Variants in FIGNL2 observed in about 807,000 individuals in gnomAD.
FIGNL2 encodes the protein fidgetin-like protein 2.
For synonymous variants in FIGNL2, 565 were observed against 484.0 expected (o/e 1.17, Z -2.20); for missense variants, 1,060 against 950.2 (o/e 1.12, Z -1.52).
intron 1 of FIGNL2, chr12:51,847,174 G>A: frequency 5.1e-6 from 5 of 985,400 alleles, no homozygotes; most frequent in Non-Finnish European, 6.0e-6. Context: ...TGAGAGGCTC[G>A]GGGAGGCTTT....
chr12:51,833,221 T>C (rs1418843565), intron 1 of FIGNL2, among the ~76,000 whole-genome samples: 2 of 152,004 alleles, frequency 1.3e-5, no homozygotes, highest in Non-Finnish European at 2.9e-5. Flanking sequence ...CAGCTAATTT[T>C]TAAAATTTTT....
intron 1 of FIGNL2, among the ~76,000 whole-genome samples, chr12:51,826,464 C>G (rs575850739): frequency 2.3e-5 from 3 of 132,254 alleles, no homozygotes; most frequent in African/African-American, 7.9e-5. Flanking sequence ...CCCCTCTGTA[C>G]TAAAAATACA....
chr12:51,836,612 G>A (rs764629504), intron 1 of FIGNL2, among the ~76,000 whole-genome samples: 4 of 152,044 alleles, frequency 2.6e-5, no homozygotes, highest in Non-Finnish European at 4.4e-5. Flanking sequence ...TGTTGGTGCC[G>A]GATTATCCCA....
chr12:51,822,716 G>A (rs554045998), intron 1 of FIGNL2, among the ~76,000 whole-genome samples: 3 of 152,168 alleles, frequency 2.0e-5, no homozygotes. Flanking sequence ...TTTTGTCCTG[G>A]CCACTCCAGC....
At chr12:51,843,739 C>A (rs1048294811) in intron 1 of FIGNL2, among the ~76,000 whole-genome samples, 3 of 152,094 alleles carry the variant, frequency 2.0e-5, no homozygotes, top group Admixed American at 1.3e-4. Context: ...TACCTGCCCA[C>A]CCCCTGTCTG....
Position 51,821,424 on chromosome 12 carries a change from G to A in FIGNL2, c.990C>T (p.Leu330=). ...CGTAGACGGGGGAGCCCAGGACCTT[G>A]AGGGGGACGCCGCCACCGTACTTGC... ...ASGKYGGGVP[L]KVLGSPVYGP... Residue 330 remains leucine, a synonymous_variant, in exon 2 of 2, where the codon CTC becomes CTT. Transcript: ENST00000618634. 6 of 1,539,020 alleles carry A rather than the reference G, an allele frequency of 3.9e-6. No individual in the cohort carries two copies. Among genetic ancestry groups the A allele is most frequent in the Non-Finnish European group, 1.7e-6 (2 of 1,145,390 alleles).
At chr12:51,822,823 C>T (rs999363406) in intron 1 of FIGNL2, among the ~76,000 whole-genome samples, 11 of 152,228 alleles carry the variant, frequency 7.2e-5, no homozygotes, top group African/African-American at 2.4e-4. Flanking sequence ...TCAAGTGAAG[C>T]TCGCTCAGTA....
intron 1 of FIGNL2, 132 bp from the exon 2 acceptor site, chr12:51,822,556 C>A: frequency 1.0e-6 from 1 of 971,420 alleles, no homozygotes; most frequent in Admixed American, 2.2e-5. Context: ...CACCTACCGC[C>A]CCACTCTCTT....
In FIGNL2 at chr12:51,821,545, A is replaced by C; in HGVS notation, c.869T>G (p.Val290Gly). Residue 290 changes from valine to glycine, a missense_variant, in exon 2 of 2, where the codon GTG (valine) becomes GGG (glycine). By Grantham distance (109) the Val-to-Gly change is moderately radical (BLOSUM62 -3). Transcript: ENST00000618634. ...GGCGGGGTAGGAGGCTCCGTCAGCC[A>C]CGGGGGCCTTGGCGGGCTCGTACGC... ...KYAYEPAKAP[V>G]ADGASYPAAD... is the part of the protein sequence containing the mutation. 1 of 1,558,184 alleles carries C rather than the reference A, an allele frequency of 6.4e-7. No homozygotes were observed. Among genetic ancestry groups the C allele is most frequent in the Non-Finnish European group, 8.6e-7 (1 of 1,161,004 alleles).
chr12:51,833,592 C>T (rs1485523205), intron 1 of FIGNL2, among the ~76,000 whole-genome samples: 1 of 152,154 alleles, frequency 6.6e-6, no homozygotes, highest in Non-Finnish European at 1.5e-5. Context: ...CCTTCCACAC[C>T]CTGGCCTCCT....
At chr12:51,845,460 GCC>G (rs35845683) in intron 1 of FIGNL2, 20 of 942,172 alleles carry the variant, frequency 2.1e-5, no homozygotes, top group Admixed American at 6.2e-5. Context: ...GTGGCTCACC[GCC>G]CCCCCCCCAC....
chr12:51,834,362 C>A (rs1939544135), intron 1 of FIGNL2, among the ~76,000 whole-genome samples: 1 of 152,168 alleles, frequency 6.6e-6, no homozygotes, highest in South Asian at 2.1e-4. Flanking sequence ...CCCCCAGAGA[C>A]TCCACAGGGC....
intron 1 of FIGNL2, among the ~76,000 whole-genome samples, chr12:51,827,450 T>C (rs1301490910): frequency 1.3e-5 from 2 of 152,018 alleles, no homozygotes; most frequent in African/African-American, 4.8e-5. Context: ...GGTCTCAAAC[T>C]CCTGGCCTCA....
At chr12:51,829,583 A>G (rs563840324) in intron 1 of FIGNL2, among the ~76,000 whole-genome samples, 19 of 152,284 alleles carry the variant, frequency 1.2e-4, no homozygotes, top group African/African-American at 4.6e-4. Flanking sequence ...GATGAGCTAG[A>G]GGATGCCATG....
intron 1 of FIGNL2, among the ~76,000 whole-genome samples, chr12:51,831,417 G>GTT (rs1177288379): frequency 7.9e-5 from 12 of 152,152 alleles, no homozygotes; most frequent in Admixed American, 7.9e-4. Context: ...CAGCACCCCA[G>GTT]TTAAGCAGGT....
intron 1 of FIGNL2, among the ~76,000 whole-genome samples, chr12:51,829,881 GAGGA>G (rs1319347669): frequency 2.6e-5 from 4 of 152,058 alleles, no homozygotes; most frequent in African/African-American, 9.7e-5. Flanking sequence ...GAATGGGAAG[GAGGA>G]AGGAAGGAAG....
chr12:51,822,445 G>A (rs747779622), intron 1 of FIGNL2, 21 bp from the exon 2 acceptor site: 5 of 1,611,048 alleles, frequency 3.1e-6, no homozygotes, highest in South Asian at 1.1e-5. Context: ...GAGACAGGAG[G>A]TCTGGTGAGG....
In FIGNL2 at chr12:51,819,505, T is replaced by G. The variant is rs1220549264; in HGVS notation, c.*947A>C. On this transcript the variant is annotated 3_prime_UTR_variant, in exon 2 of 2. Transcript: ENST00000618634. The stretch of plus-strand genomic sequence containing the variant: ...TCTCCCCTTCCCCGTAAGTCTCATT[T>G]TTTGAGTGTCTGGGAGAATTTGGTC... The G allele has an allele frequency of 6.5e-6, 1 of 152,750 alleles. No individual in the cohort carries two copies. The highest frequency in any genetic ancestry group is 1.5e-5 in the Non-Finnish European group (1 of 68,108). The allele number at this position is 152,750 out of a possible 1,614,324, so 9.5% of individuals were successfully genotyped here.
intron 1 of FIGNL2, among the ~76,000 whole-genome samples, chr12:51,830,698 G>A (rs781278839): frequency 1.3e-4 from 20 of 151,802 alleles, no homozygotes; most frequent in Admixed American, 2.6e-4. Flanking sequence ...TCACCATGTT[G>A]GCCAGGCTGG....
Sources: allele counts gnomAD v4.1 joint callset (sites outside exome capture counted in the v4.1 genomes callset), GRCh38; gene constraint gnomAD v4.1.1; transcripts MANE v1.5; gene names NCBI Gene and HGNC (gene_info 2026-07-23, HGNC 2026-07-21).